Variants in CDYL observed in about 807,000 individuals in gnomAD.
CDYL encodes chromodomain Y like, also known as chromodomain Y-like protein.
CDYL carries 8 observed loss-of-function variants against 47.3 expected under a neutral mutation model. The observed-to-expected ratio is 0.17, with a 90% CI of 0.10 to 0.31. The LOEUF is 0.31. CDYL is among the 10% of genes least tolerant of loss of function. CDYL has a pLI of 1.00. For synonymous variants in CDYL, 266 were observed against 265.0 expected (o/e 1.00, Z -0.04); for missense variants, 471 against 701.4 (o/e 0.67, Z 3.71).
chr6:4,927,428 C>CGTGTGTGTGT (rs35317751), intron 2 of CDYL, among the ~76,000 whole-genome samples: 4,500 of 142,516 alleles, frequency 0.032, 99 homozygotes, highest in Non-Finnish European at 0.037. Context: ...ATTTACTGTA[C>CGTGTGTGTGT]GTGTGTGTGT....
At chr6:4,808,036 T>G (rs954993536) in intron 1 of CDYL, among the ~76,000 whole-genome samples, 1 of 152,212 alleles carries the variant, frequency 6.6e-6, no homozygotes, top group African/African-American at 2.4e-5. Flanking sequence ...CTATGTCCTT[T>G]CATCATGTTT....
intron 1 of CDYL, among the ~76,000 whole-genome samples, chr6:4,855,446 A>T (rs561711320): frequency 8.5e-5 from 13 of 152,202 alleles, no homozygotes; most frequent in African/African-American, 2.9e-4. Flanking sequence ...GCATGCCACC[A>T]CCCAGCTAAT....
intron 2 of CDYL, among the ~76,000 whole-genome samples, chr6:4,915,532 A>G (rs1243553396): frequency 6.6e-6 from 1 of 152,128 alleles, no homozygotes; most frequent in Non-Finnish European, 1.5e-5. Context: ...ACCGCTTTGG[A>G]GTTTAGACAC....
intron 1 of CDYL, among the ~76,000 whole-genome samples, chr6:4,707,666 T>C (rs1757071417): frequency 6.6e-6 from 1 of 152,202 alleles, no homozygotes; most frequent in Non-Finnish European, 1.5e-5. Flanking sequence ...TTCTAAAATG[T>C]GTGCATTTTA....
At chr6:4,750,503 A>G (rs1015194600) in intron 3 of CDYL, among the ~76,000 whole-genome samples, 1 of 147,786 alleles carries the variant, frequency 6.8e-6, no homozygotes, top group East Asian at 2.0e-4. Context: ...TGCCCGGCCA[A>G]AAAAATTTTT....
chr6:4,763,644 G>A lies in CDYL; in HGVS notation c.186+28800G>A, dbSNP rs1581151333. 2.6e-5 allele frequency among the ~76,000 whole-genome samples: 4 copies of A among 152,218 alleles called. No homozygotes were observed. In the South Asian group the frequency reaches 8.3e-4, roughly 32 times the overall value. Reference sequence around the variant, plus strand: ...CCAGGTAATAAGGAGAAAAATAATAGAATAATTTTTTTGTAGGGCCAGGCG... The same window carrying A: ...CCAGGTAATAAGGAGAAAAATAATAAAATAATTTTTTTGTAGGGCCAGGCG... On this transcript the variant is annotated intron_variant, in intron 3 of 8. Transcript: ENST00000328908.
chr6:4,813,160 TC>T (rs1457965317), intron 1 of CDYL, among the ~76,000 whole-genome samples: 3 of 152,214 alleles, frequency 2.0e-5, no homozygotes, highest in Non-Finnish European at 4.4e-5. Flanking sequence ...TACTTGCTTT[TC>T]CTTGTGTTTA....
rs1758829387 is a variant in CDYL, at chr6:4,955,141, A to G, written c.*1085A>G. 1 of 152,636 alleles carries G rather than the reference A, an allele frequency of 6.6e-6. No individual in the cohort carries two copies. The highest frequency in any genetic ancestry group is 2.4e-5 in the African/African-American group (1 of 41,442). The allele number at this position is 152,636 out of a possible 1,614,324, so 9.5% of individuals were successfully genotyped here. ...TGGCCTCTGCTTTTATGTCTATACA[A>G]TATACTGAGTTCAGTATGGTGTCCA... On this transcript the variant is annotated 3_prime_UTR_variant, in exon 7 of 7. Transcript: ENST00000397588.
intron 1 of CDYL, among the ~76,000 whole-genome samples, chr6:4,814,043 G>A (rs932917449): frequency 1.3e-5 from 2 of 151,132 alleles, no homozygotes; most frequent in Non-Finnish European, 2.9e-5. Flanking sequence ...GCCTCTCAAA[G>A]CATTGGGATT....
chr6:4,934,307 A>G (rs1404597802), intron 2 of CDYL, among the ~76,000 whole-genome samples: 2 of 152,170 alleles, frequency 1.3e-5, no homozygotes, highest in Non-Finnish European at 2.9e-5. Flanking sequence ...ATATGTATGT[A>G]TTATAACCTC....
At chr6:4,869,298 G>T (rs1761409343) in intron 1 of CDYL, among the ~76,000 whole-genome samples, 1 of 151,990 alleles carries the variant, frequency 6.6e-6, no homozygotes, top group Non-Finnish European at 1.5e-5. Context: ...GTTTCACTGT[G>T]TTGGCCAGGC....
chr6:4,854,389 T>C (rs1219908381), intron 1 of CDYL, among the ~76,000 whole-genome samples: 1 of 152,176 alleles, frequency 6.6e-6, no homozygotes, highest in Admixed American at 6.5e-5. Context: ...CCCCATCAGA[T>C]CACCAAGTTT....
chr6:4,723,806 T>C (rs1757422994), intron 2 of CDYL, among the ~76,000 whole-genome samples: 1 of 152,192 alleles, frequency 6.6e-6, no homozygotes, highest in Non-Finnish European at 1.5e-5. Flanking sequence ...AAACATCAAG[T>C]CGTTATTTTA....
At chr6:4,807,591 CTTTTTTTTTTTT>C (rs70974139) in intron 1 of CDYL, among the ~76,000 whole-genome samples, 6 of 42,898 alleles carry the variant, frequency 1.4e-4, no homozygotes, top group African/African-American at 3.6e-4. Context: ...TCATTCATGT[CTTTTTTTTTTTT>C]TTTTTTTTTT....
Position 4,711,206 on chromosome 6 carries a change from G to A in CDYL, c.-38-4535G>A, listed in dbSNP as rs116427248. Among the ~76,000 whole-genome samples, 308 of 152,228 alleles carry A rather than the reference G, an allele frequency of 2.0e-3. 2 individuals are homozygous for A. The highest frequency in any genetic ancestry group is 6.8e-3 in the African/African-American group (281 of 41,540). ...TGTGGCCATGACCCTGGCCTCTAACGCTGTGGAGACATGGTTTGCTAATGG... is the reference window on the plus strand; with the variant it reads ...TGTGGCCATGACCCTGGCCTCTAACACTGTGGAGACATGGTTTGCTAATGG... On this transcript the variant is annotated intron_variant, in intron 1 of 8. Transcript: ENST00000328908.
At chr6:4,777,233 T>A (rs1758493266) in intron 1 of CDYL, among the ~76,000 whole-genome samples, 2 of 147,200 alleles carry the variant, frequency 1.4e-5, no homozygotes, top group South Asian at 4.4e-4. Context: ...GGTCGGGGGG[T>A]GGCGGGGAGA....
intron 3 of CDYL, among the ~76,000 whole-genome samples, chr6:4,751,511 G>A (rs1049827231): frequency 6.6e-6 from 1 of 152,186 alleles, no homozygotes; most frequent in Non-Finnish European, 1.5e-5. Flanking sequence ...TGTATTGACA[G>A]TATGCTTCCT....
Position 4,933,204 on chromosome 6 carries a change from C to G in CDYL, c.692-2311C>G, listed in dbSNP as rs11966839. ...CTCAGTCTTCCCCTGGGAGCTCATA[C>G]TGTCAGTTCAGCCATTTCTGGCACC... On this transcript the variant is annotated intron_variant, in intron 2 of 6. Coordinates refer to ENST00000397588, the MANE Select transcript of CDYL (RefSeq NM_004824.4). Among the ~76,000 whole-genome samples, 431 of 152,354 alleles carry G rather than the reference C, an allele frequency of 2.8e-3. 2 individuals are homozygous for G. Among genetic ancestry groups the G allele is most frequent in the African/African-American group, 7.7e-3 (321 of 41,574 alleles).
intron 2 of CDYL, among the ~76,000 whole-genome samples, chr6:4,893,196 G>A (rs554203521): frequency 2.6e-5 from 4 of 152,294 alleles, no homozygotes; most frequent in South Asian, 2.1e-4. Flanking sequence ...ATTCTTGGAC[G>A]AGGGTGGTGT....
Sources: allele counts gnomAD v4.1 joint callset (sites outside exome capture counted in the v4.1 genomes callset), GRCh38; gene constraint gnomAD v4.1.1; transcripts MANE v1.5; gene names NCBI Gene and HGNC (gene_info 2026-07-23, HGNC 2026-07-21).